The following SCAF8 variants were observed in gnomAD, a reference collection of about 807,000 sequenced individuals.
SCAF8 encodes the protein SR-related CTD associated factor 8.
In SCAF8, 23 loss-of-function variants were observed where a neutral mutation model predicts 140.5. The ratio of observed to expected loss-of-function variants is 0.16; its 90% CI spans 0.12 to 0.23. The LOEUF (loss-of-function observed/expected upper bound fraction) is 0.23, where lower values mean the gene tolerates loss of function less well. Ranked by LOEUF, SCAF8 falls within the 10% of genes least tolerant of loss-of-function variation. The probability of loss-of-function intolerance (pLI) is 1.00; values close to 1 mark genes in which losing one functional copy is unlikely to be tolerated. For synonymous variants in SCAF8, 575 were observed against 528.9 expected (o/e 1.09, Z -1.20); for missense variants, 1,397 against 1,555.7 (o/e 0.90, Z 1.72).
chr6:154,791,950 G>T (rs1777432213), intron 4 of SCAF8, among the ~76,000 whole-genome samples: 1 of 152,040 alleles, frequency 6.6e-6, no homozygotes, highest in African/African-American at 2.4e-5. Flanking sequence ...GAGTAAATGA[G>T]ATGGTTCACA....
intron 2 of SCAF8, among the ~76,000 whole-genome samples, chr6:154,776,248 T>C (rs1776913546): frequency 6.6e-6 from 1 of 151,990 alleles, no homozygotes; most frequent in Non-Finnish European, 1.5e-5. Flanking sequence ...TCTAGACCAG[T>C]TGTTTTTCAC....
rs1165305989 is a variant in SCAF8 at position 154,811,509 on chromosome 6, T to C, written c.1420+1301T>C. 5.6e-4 allele frequency among the ~76,000 whole-genome samples: 85 copies of C among 152,140 alleles called. 2 individuals are homozygous for C. Among genetic ancestry groups the C allele is most frequent in the Non-Finnish European group, 1.0e-4 (7 of 68,034 alleles). On this transcript the variant is annotated intron_variant, in intron 12 of 19. Coordinates refer to ENST00000367178, the MANE Select transcript of SCAF8 (RefSeq NM_014892.5). ...GTACACAGGTGCCATGGTGGTTTGCTGCACCCATCAACCCGTCATCTAAGT... is the reference window on the plus strand; with the variant it reads ...GTACACAGGTGCCATGGTGGTTTGCCGCACCCATCAACCCGTCATCTAAGT...
intron 1 of SCAF8, among the ~76,000 whole-genome samples, chr6:154,736,162 T>G (rs1778412236): frequency 6.6e-6 from 1 of 151,882 alleles, no homozygotes; most frequent in Non-Finnish European, 1.5e-5. Flanking sequence ...TCATTGGATT[T>G]AATTCCCGCC....
chr6:154,824,625 G>T (rs973673498), intron 17 of SCAF8, among the ~76,000 whole-genome samples: 5 of 152,114 alleles, frequency 3.3e-5, no homozygotes, highest in African/African-American at 1.2e-4. Context: ...CACTGACAGA[G>T]AAATATTGAA....
Position 154,733,429 on chromosome 6 carries a change from C to G in SCAF8, c.-472C>G, listed in dbSNP as rs1778310358. 2 of 1,402,696 alleles carry G rather than the reference C, an allele frequency of 1.4e-6. No individual in the cohort carries two copies. The highest frequency in any genetic ancestry group is 1.9e-6 in the Non-Finnish European group (2 of 1,078,368). 86.9% of individuals were successfully genotyped at this position (1,402,696 alleles called of 1,614,324 possible). A position where few individuals can be genotyped will look rare whatever the true frequency, so the allele number is the denominator to read the frequency against. On this transcript the variant is annotated 5_prime_UTR_variant, in exon 1 of 20. Transcript: ENST00000367178. ...CTCGAGTCCGCCATATTGGATGCCG[C>G]AGCCGCTGCTGCCAGCGCTTCCTCC...
intron 1 of SCAF8, among the ~76,000 whole-genome samples, chr6:154,765,000 A>G (rs892995346): frequency 6.6e-6 from 1 of 152,192 alleles, no homozygotes. Flanking sequence ...ATGAAGGTTT[A>G]TTATTGAGTG....
At chr6:154,756,360 A>G (rs1778965853) in intron 1 of SCAF8, among the ~76,000 whole-genome samples, 1 of 152,228 alleles carries the variant, frequency 6.6e-6, no homozygotes. Context: ...CTGAGAACCC[A>G]CTATTTTATA....
intron 11 of SCAF8, among the ~76,000 whole-genome samples, chr6:154,809,499 A>G (rs2114647416): frequency 6.6e-6 from 1 of 152,310 alleles, no homozygotes; most frequent in South Asian, 2.1e-4. Flanking sequence ...TGCTGAAGAT[A>G]TCTTCATTTG....
intron 1 of SCAF8, among the ~76,000 whole-genome samples, chr6:154,741,790 C>T (rs1287881099): frequency 6.6e-6 from 1 of 152,190 alleles, no homozygotes; most frequent in South Asian, 2.1e-4. Context: ...TCAGATATCT[C>T]TTTCTAAGGC....
chr6:154,768,020 A>G (rs952255044), intron 1 of SCAF8, among the ~76,000 whole-genome samples: 1 of 152,138 alleles, frequency 6.6e-6, no homozygotes, highest in Non-Finnish European at 1.5e-5. Flanking sequence ...TCTTATAACA[A>G]TTCTGTACCC....
chr6:154,773,523 A>G (rs551864084), intron 1 of SCAF8, among the ~76,000 whole-genome samples: 37 of 152,310 alleles, frequency 2.4e-4, no homozygotes, highest in African/African-American at 8.9e-4. Context: ...CCACGTGTAC[A>G]GGTTATTATT....
At chr6:154,793,750 G>C (rs1435923583) in intron 5 of SCAF8, among the ~76,000 whole-genome samples, 5 of 148,868 alleles carry the variant, frequency 3.4e-5, no homozygotes, top group African/African-American at 5.0e-5. Flanking sequence ...AGGAGGCGGA[G>C]GTTGCAGCGA....
At chr6:154,791,068 C>G (rs1243336914) in intron 4 of SCAF8, among the ~76,000 whole-genome samples, 1 of 152,112 alleles carries the variant, frequency 6.6e-6, no homozygotes, top group Non-Finnish European at 1.5e-5. Flanking sequence ...TTTCAAGAAG[C>G]AAGGTATAAT....
intron 1 of SCAF8, among the ~76,000 whole-genome samples, chr6:154,753,027 T>C (rs539320994): frequency 4.6e-5 from 7 of 152,108 alleles, no homozygotes; most frequent in African/African-American, 1.7e-4. Context: ...TTTTTTTAAT[T>C]TACCAGAAGG....
Position 154,808,737 on chromosome 6 carries a change from C to G in SCAF8, c.1165C>G (p.Gln389Glu). ...TGGAGTGGAAGAGGAGGTCTTTGAA[C>G]AAGAAGCTAAGAAAGTGGCGGTTCG... ...QDGVEEEVFE[Q>E]EAKKVAVRSR... Residue 389 changes from glutamine (Q) to glutamate (E), a missense_variant, in exon 11 of 20, where the codon CAA becomes GAA. Physicochemically the swap from Gln to Glu is conservative, Grantham distance 29 (BLOSUM62 2). Coordinates refer to ENST00000367178, the MANE Select transcript of SCAF8 (RefSeq NM_014892.5). 1 of 1,613,868 alleles carries G rather than the reference C, an allele frequency of 6.2e-7. No homozygotes were observed. Among genetic ancestry groups the G allele is most frequent in the Non-Finnish European group, 8.5e-7 (1 of 1,179,852 alleles).
intron 1 of SCAF8, among the ~76,000 whole-genome samples, chr6:154,736,211 T>A (rs2114782970): frequency 6.6e-6 from 1 of 151,358 alleles, no homozygotes; most frequent in South Asian, 2.1e-4. Flanking sequence ...TGGGTGTCTG[T>A]CTTTGGGGGG....
chr6:154,809,022 GA>G (rs1778007550), intron 11 of SCAF8, among the ~76,000 whole-genome samples: 1 of 152,140 alleles, frequency 6.6e-6, no homozygotes, highest in African/African-American at 2.4e-5. Context: ...GCCATATCAT[GA>G]GACAGGGATT....
At chr6:154,735,161 G>A (rs187440561) in intron 1 of SCAF8, among the ~76,000 whole-genome samples, 158 of 151,552 alleles carry the variant, frequency 1.0e-3, no homozygotes, top group African/African-American at 3.7e-3. Flanking sequence ...GTGTAATTAT[G>A]CTGGTAACTA....
chr6:154,739,147 A>C (rs1778503562), intron 1 of SCAF8, among the ~76,000 whole-genome samples: 1 of 152,044 alleles, frequency 6.6e-6, no homozygotes, highest in Admixed American at 6.6e-5. Flanking sequence ...CACTATGCAC[A>C]CCTAATTTTT....
Sources: gnomAD v4.1 joint callset for allele counts (sites outside exome capture counted in the v4.1 genomes callset) on GRCh38, gnomAD v4.1.1 for gene constraint, MANE v1.5 for transcripts, NCBI Gene and HGNC (gene_info 2026-07-23, HGNC 2026-07-21) for gene names.